The following TRMT10B variants were observed in gnomAD, a reference collection of about 807,000 sequenced individuals.
The protein encoded by TRMT10B is tRNA methyltransferase 10 homolog B.
A neutral mutation model predicts 43.8 loss-of-function variants in TRMT10B; 33 were observed. That is an observed-to-expected ratio of 0.75 (90% CI 0.57 to 1.01). The LOEUF (loss-of-function observed/expected upper bound fraction) is 1.01, where lower values mean the gene tolerates loss of function less well. Among genes scored for constraint, TRMT10B ranks in the 50% least tolerant of loss-of-function variants. TRMT10B has a pLI of 0.00. For synonymous variants in TRMT10B, 137 were observed against 130.6 expected (o/e 1.05, Z -0.34); for missense variants, 362 against 369.8 (o/e 0.98, Z 0.17).
At position 37,763,158 on chromosome 9, in the gene TRMT10B, AAAAAAAAC is replaced by A. The variant is rs1472538759; in HGVS notation, c.296-463_296-456del. ...GACTCTGTCTCAAAAAAAAAAAAAA[AAAAAAAAC>A]AAAAAAAAAAATTTAAGGCTGCTTT... On this transcript the variant is annotated intron_variant, in intron 3 of 8. Coordinates refer to ENST00000297994, the MANE Select transcript of TRMT10B (RefSeq NM_144964.4). Among the ~76,000 whole-genome samples the A allele has an allele frequency of 4.3e-3, 628 of 145,892 alleles. 11 individuals are homozygous for A. The highest frequency in any genetic ancestry group is 0.04 in the Admixed American group (558 of 13,948).
At chr9:37,774,679 T>A (rs9858) in intron 7 of TRMT10B, among the ~76,000 whole-genome samples, 49,146 of 152,086 alleles carry the variant, frequency 0.32, 8,502 homozygotes, top group Non-Finnish European at 0.39. Context: ...AAAGGAGTTT[T>A]ATCCTTTCAA....
intron 1 of TRMT10B, among the ~76,000 whole-genome samples, chr9:37,755,061 G>A (rs987006502): frequency 6.6e-6 from 1 of 152,082 alleles, no homozygotes; most frequent in Admixed American, 6.6e-5. Context: ...GCGAGGTCAG[G>A]AGATCGAGAC....
rs1480620048 is a variant in TRMT10B at position 37,778,592 on chromosome 9, T to C, written c.*885T>C. On this transcript the variant is annotated 3_prime_UTR_variant, in exon 9 of 9. Transcript: ENST00000297994. ...GCTAATTCAACTTTTGTACATCTATTTGTGAGAGACCTCTTGAAATTGTTT... is the reference window on the plus strand; with the variant it reads ...GCTAATTCAACTTTTGTACATCTATCTGTGAGAGACCTCTTGAAATTGTTT... The C allele has an allele frequency of 1.3e-5, 2 of 152,228 alleles. No homozygotes were observed. The highest frequency in any genetic ancestry group is 2.9e-5 in the Non-Finnish European group (2 of 68,034). 9.4% of individuals were successfully genotyped at this position (152,228 alleles called of 1,614,324 possible).
Position 37,769,810 on chromosome 9 carries a change from C to T in TRMT10B, c.574-131C>T, listed in dbSNP as rs941583880. 6 of 750,450 alleles carry T rather than the reference C, an allele frequency of 8.0e-6. No individual in the cohort carries two copies. The African/African-American group carries it at 1.0e-4, about 13-fold the overall frequency. 46.5% of individuals were successfully genotyped at this position (750,450 alleles called of 1,614,324 possible). A position where few individuals can be genotyped will look rare whatever the true frequency, so the allele number is the denominator to read the frequency against. ...TAGAGACTGGGTTTCACCATGTTGC[C>T]CAGTCTGGTCTCGAACTTTGGAGCT... is the stretch of plus-strand genomic sequence containing the variant. On this transcript the variant is annotated intron_variant, in intron 5 of 8. Coordinates refer to ENST00000297994, the MANE Select transcript of TRMT10B (RefSeq NM_144964.4).
intron 3 of TRMT10B, 24 bp downstream of exon 3, chr9:37,762,709 T>C (rs371661533): frequency 9.1e-5 from 141 of 1,541,648 alleles, no homozygotes; most frequent in Non-Finnish European, 1.1e-4. Context: ...AGACTGTTGG[T>C]ATAATAATAT....
In TRMT10B at chr9:37,762,607, G is replaced by T; in HGVS notation, c.217G>T (p.Glu73Ter). 1 of 1,597,066 alleles carries T rather than the reference G, an allele frequency of 6.3e-7. No individual in the cohort carries two copies. Among genetic ancestry groups the T allele is most frequent in the South Asian group, 1.1e-5 (1 of 87,604 alleles). The change falls in exon 3 of 9, where the codon GAA becomes TAA. Residue 73 changes from glutamate (E) to a stop codon, truncating the protein, a stop_gained. Coordinates refer to ENST00000297994, the MANE Select transcript of TRMT10B (RefSeq NM_144964.4). LOFTEE classifies it high-confidence loss of function. The part of the protein sequence containing the change: ...KNVQRKQRHW[E>*]KIVAAKKSKR... ...TGTCCAGAGAAAACAGAGACACTGGGAAAAGATAGTTGCAGCAAAGAAGAG... is the reference window on the plus strand; with the variant it reads ...TGTCCAGAGAAAACAGAGACACTGGTAAAAGATAGTTGCAGCAAAGAAGAG...
Position 37,762,648 on chromosome 9 carries a change from AAAAG to A in TRMT10B, c.261_264del (p.Lys87AsnfsTer22), listed in dbSNP as rs781264376. On this transcript the variant is annotated frameshift_variant, in exon 3 of 9. Coordinates refer to ENST00000297994, the MANE Select transcript of TRMT10B (RefSeq NM_144964.4). LOFTEE classifies it high-confidence loss of function. Reference sequence around the variant, plus strand: ...CAAAGAAGAGCAAAAGAAAGCAAGAAAAAGAACGAAGAAAAGCCAATCGTGCAGA... The same window carrying A: ...CAAAGAAGAGCAAAAGAAAGCAAGAAAACGAAGAAAAGCCAATCGTGCAGA... The A allele has an allele frequency of 1.8e-5, 28 of 1,595,382 alleles. No homozygotes were observed. In the South Asian group the frequency reaches 2.4e-4, roughly 14 times the overall value.
At chr9:37,762,729 A>G in intron 3 of TRMT10B, 44 bp downstream of exon 3, 4 of 1,528,102 alleles carry the variant, frequency 2.6e-6, no homozygotes, top group Non-Finnish European at 3.5e-6. Context: ...TTTATTTTTT[A>G]GCAAACGTGT....
In TRMT10B at chr9:37,761,982, G is replaced by A; in HGVS notation, c.51G>A (p.Leu17=). ...GSTQKVESPV[L]QGQEGILEET... is the part of the protein sequence containing the mutation. The stretch of plus-strand genomic sequence containing the variant: ...CTCAGAAAGTAGAGTCACCTGTGCT[G>A]CAGGGGCAAGAAGGCATCCTAGAGG... The change falls in exon 2 of 9, where the codon CTG becomes CTA. Residue 17 remains leucine, a synonymous_variant. Transcript: ENST00000297994. 8.1e-6 allele frequency: 13 copies of A among 1,614,012 alleles called. No individual in the cohort carries two copies. Among genetic ancestry groups the A allele is most frequent in the Non-Finnish European group, 1.0e-5 (12 of 1,179,946 alleles).
At chr9:37,770,763 C>T (rs751764713) in intron 7 of TRMT10B, 24 bp downstream of exon 7, 89 of 1,612,084 alleles carry the variant, frequency 5.5e-5, no homozygotes, top group Non-Finnish European at 7.2e-5. Flanking sequence ...TCAGCCCCAA[C>T]ATCTGTTTTA....
At chr9:37,758,714 A>AC (rs1825977114) in intron 1 of TRMT10B, among the ~76,000 whole-genome samples, 1 of 152,228 alleles carries the variant, frequency 6.6e-6, no homozygotes, top group Non-Finnish European at 1.5e-5. Flanking sequence ...TATTGGACTT[A>AC]CCTTCCTACA....
intron 6 of TRMT10B, among the ~76,000 whole-genome samples, chr9:37,770,441 G>A (rs1375493658): frequency 6.6e-6 from 1 of 152,124 alleles, no homozygotes; most frequent in Non-Finnish European, 1.5e-5. Context: ...TTTCCTTTCT[G>A]AATCTAATGT....
intron 1 of TRMT10B, among the ~76,000 whole-genome samples, chr9:37,757,710 A>G (rs1253110692): frequency 1.8e-5 from 2 of 108,734 alleles, no homozygotes; most frequent in East Asian, 4.7e-4. Context: ...GGTTTTGAAT[A>G]GTAGTTAACA....
chr9:37,777,333 C>A (rs1828280267), intron 8 of TRMT10B, among the ~76,000 whole-genome samples: 1 of 148,560 alleles, frequency 6.7e-6, no homozygotes. Flanking sequence ...CCTTCCCCAT[C>A]CCAGGCCACA....
intron 6 of TRMT10B, 62 bp from the exon 7 acceptor site, chr9:37,770,610 T>C: frequency 7.0e-7 from 1 of 1,436,386 alleles, no homozygotes. Context: ...TTCATTTTGC[T>C]TTCTCTGGAT....
chr9:37,762,229 T>C, intron 2 of TRMT10B, 112 bp downstream of exon 2: 1 of 1,214,544 alleles, frequency 8.2e-7, no homozygotes, highest in Non-Finnish European at 1.1e-6. Flanking sequence ...GAGTTTTGTG[T>C]ATTCTGAGTG....
At chr9:37,757,850 A>G (rs1032836769) in intron 1 of TRMT10B, among the ~76,000 whole-genome samples, 19 of 152,200 alleles carry the variant, frequency 1.2e-4, no homozygotes, top group Non-Finnish European at 2.4e-4. Flanking sequence ...TCCTCTAGCT[A>G]TTGTCCCATT....
intron 3 of TRMT10B, among the ~76,000 whole-genome samples, chr9:37,763,152 A>AC (rs1563991353): frequency 1.1e-4 from 16 of 142,768 alleles, no homozygotes; most frequent in South Asian, 4.4e-4. Flanking sequence ...TCAAAAAAAA[A>AC]AAAAAAAAAA....
chr9:37,764,222 C>G (rs111993641), intron 4 of TRMT10B, among the ~76,000 whole-genome samples: 1 of 151,940 alleles, frequency 6.6e-6, no homozygotes, highest in Non-Finnish European at 1.5e-5. Flanking sequence ...AATCTCAGCT[C>G]ACTGCAACCT....
Sources: gnomAD v4.1 joint callset for allele counts (sites outside exome capture counted in the v4.1 genomes callset) on GRCh38, gnomAD v4.1.1 for gene constraint, MANE v1.5 for transcripts, NCBI Gene and HGNC (gene_info 2026-07-23, HGNC 2026-07-21) for gene names.